Variants in CEP43 observed in about 807,000 individuals in gnomAD.
The protein encoded by CEP43 is FGFR1 oncogene partner.
In CEP43, 36 loss-of-function variants were observed where a neutral mutation model predicts 52.6. That is an observed-to-expected ratio of 0.68 (90% CI 0.52 to 0.90). CEP43 has a LOEUF of 0.90. Among genes scored for constraint, CEP43 ranks in the 40% least tolerant of loss-of-function variants. CEP43 has a pLI of 0.00. For synonymous variants in CEP43, 192 were observed against 172.4 expected (o/e 1.11, Z -0.89); for missense variants, 506 against 472.8 (o/e 1.07, Z -0.65).
At chr6:167,014,878 T>A (rs1780059848) in intron 7 of CEP43, among the ~76,000 whole-genome samples, 1 of 152,382 alleles carries the variant, frequency 6.6e-6, no homozygotes, top group East Asian at 1.9e-4. Flanking sequence ...AAGTAAGATA[T>A]AAAACTTCTT....
At chr6:167,009,090 A>G (rs1779920164) in intron 5 of CEP43, among the ~76,000 whole-genome samples, 1 of 151,028 alleles carries the variant, frequency 6.6e-6, no homozygotes, top group Admixed American at 6.6e-5. Context: ...CCCCGTCTCT[A>G]TTAAAAATAT....
intron 7 of CEP43, among the ~76,000 whole-genome samples, chr6:167,013,878 C>T (rs1780036773): frequency 6.6e-6 from 1 of 152,204 alleles, no homozygotes; most frequent in African/African-American, 2.4e-5. Context: ...GAGGCTGAGG[C>T]AGGAGAATCG....
At chr6:167,007,719 A>T (rs1393570152) in intron 5 of CEP43, among the ~76,000 whole-genome samples, 1 of 152,180 alleles carries the variant, frequency 6.6e-6, no homozygotes, top group Non-Finnish European at 1.5e-5. Context: ...TAAATTACTG[A>T]TGCTTTTTAC....
At chr6:167,029,069 G>A (rs766482933) in intron 10 of CEP43, among the ~76,000 whole-genome samples, 1 of 145,994 alleles carries the variant, frequency 6.8e-6, no homozygotes, top group Non-Finnish European at 1.5e-5. Flanking sequence ...GTCTTTGTGT[G>A]TTTTTTTGTT....
chr6:167,024,797 G>A lies in CEP43; in HGVS notation c.822G>A (p.Arg274=), dbSNP rs1780317282. ...TTCTTGTTAGGAGGAAGGAACCTAG[G>A]AAGCAAGCAGGAAGTCTGGCCTCGC... ...EKTYGLRKEP[R]KQAGSLASLS... The change falls in exon 9 of 13, where the codon AGG becomes AGA. Residue 274 remains arginine (R), a synonymous_variant. Coordinates refer to ENST00000366847, the MANE Select transcript of CEP43 (RefSeq NM_007045.4). 2.5e-6 allele frequency: 4 copies of A among 1,613,436 alleles called. No homozygotes were observed. In the South Asian group the frequency reaches 3.3e-5, roughly 13 times the overall value.
In CEP43 at chr6:167,029,181, A is replaced by G. The variant is rs556399320; in HGVS notation, c.988+2566A>G. Among the ~76,000 whole-genome samples, 11 of 152,366 alleles carry G rather than the reference A, an allele frequency of 7.2e-5. No individual in the cohort carries two copies. In the East Asian group the frequency reaches 1.9e-3, roughly 27 times the overall value. The stretch of plus-strand genomic sequence containing the variant: ...CAGAGGCAAGAATGAAAGTAAGGAA[A>G]GCAGAAGGCTGTCAGGAAGTCCGGG... On this transcript the variant is annotated intron_variant, in intron 10 of 12. Coordinates refer to ENST00000366847, the MANE Select transcript of CEP43 (RefSeq NM_007045.4).
chr6:167,048,865 T>C lies in CEP43; in HGVS notation c.*8887T>C, dbSNP rs927934051. ...AAGTGTGAAATAGCCTCTAAACTCA[T>C]ATGTGGAAAAAGAACTTGAAAAAGG... On this transcript the variant is annotated 3_prime_UTR_variant, in exon 13 of 13. Coordinates refer to ENST00000366847, the MANE Select transcript of CEP43 (RefSeq NM_007045.4). 5 of 152,178 alleles carry C rather than the reference T, an allele frequency of 3.3e-5. No homozygotes were observed. The highest frequency in any genetic ancestry group is 9.7e-5 in the African/African-American group (4 of 41,450). The allele number at this position is 152,178 out of a possible 1,614,324, so 9.4% of individuals were successfully genotyped here. A position where few individuals can be genotyped will look rare whatever the true frequency, so the allele number is the denominator to read the frequency against.
intron 12 of CEP43, among the ~76,000 whole-genome samples, chr6:167,038,843 T>A (rs1431237972): frequency 6.6e-6 from 1 of 152,104 alleles, no homozygotes; most frequent in Non-Finnish European, 1.5e-5. Context: ...ACAGGTGGTG[T>A]TTGGTTGCAT....
At chr6:167,027,051 TGA>T (rs1278155001) in intron 10 of CEP43, among the ~76,000 whole-genome samples, 1 of 152,210 alleles carries the variant, frequency 6.6e-6, no homozygotes, top group Non-Finnish European at 1.5e-5. Flanking sequence ...CAGTTCAGAC[TGA>T]GAAAAATTTG....
intron 8 of CEP43, 90 bp from the exon 9 acceptor site, chr6:167,024,692 T>C (rs1780314804): frequency 3.5e-6 from 3 of 863,156 alleles, no homozygotes; most frequent in Non-Finnish European, 5.7e-6. Flanking sequence ...GTATAAAATA[T>C]CTTTAAGTTG....
intron 12 of CEP43, 35 bp from the exon 13 acceptor site, chr6:167,039,869 A>T: frequency 5.0e-6 from 8 of 1,609,758 alleles, no homozygotes; most frequent in Non-Finnish European, 5.9e-6. Flanking sequence ...TCACATTCTG[A>T]CACTTAATTA....
At chr6:167,035,540 C>G (rs549373846) in intron 12 of CEP43, among the ~76,000 whole-genome samples, 10 of 151,254 alleles carry the variant, frequency 6.6e-5, no homozygotes, top group Non-Finnish European at 1.5e-4. Context: ...TTACCACTCA[C>G]AAATTTGGCC....
At position 167,051,100 on chromosome 6, in the gene CEP43, C is replaced by G. The variant is rs1780865099; in HGVS notation, c.*11122C>G. ...GTGGGGGCCAGAGGACCAGTTGAGC[C>G]AAGAATTCAAGAGGTACAGGTTCAA... On this transcript the variant is annotated 3_prime_UTR_variant, in exon 13 of 13. Transcript: ENST00000366847. The G allele has an allele frequency of 6.6e-6, 1 of 151,880 alleles. No homozygotes were observed. The highest frequency in any genetic ancestry group is 1.5e-5 in the Non-Finnish European group (1 of 67,986). The allele number at this position is 151,880 out of a possible 1,614,324, so 9.4% of individuals were successfully genotyped here.
intron 7 of CEP43, among the ~76,000 whole-genome samples, 179 bp from the exon 8 acceptor site, chr6:167,022,230 C>G (rs978389471): frequency 1.3e-5 from 2 of 150,976 alleles, no homozygotes; most frequent in Non-Finnish European, 2.9e-5. Context: ...TGGCATTGCT[C>G]TGCAGTTCAC....
Position 167,048,798 on chromosome 6 carries a change from A to G in CEP43, c.*8820A>G, listed in dbSNP as rs1780834697. 6.6e-6 allele frequency: 1 copy of G among 152,270 alleles called. No homozygotes were observed. Among genetic ancestry groups the G allele is most frequent in the Non-Finnish European group, 1.5e-5 (1 of 68,040 alleles). 9.4% of individuals were successfully genotyped at this position (152,270 alleles called of 1,614,324 possible). A position where few individuals can be genotyped will look rare whatever the true frequency, so the allele number is the denominator to read the frequency against. ...AATGAAAAATTGGTTAATGAATGTC[A>G]TTGAAAGAGCATGTACATCACTAAA... On this transcript the variant is annotated 3_prime_UTR_variant, in exon 13 of 13. Coordinates refer to ENST00000366847, the MANE Select transcript of CEP43 (RefSeq NM_007045.4).
intron 4 of CEP43, 76 bp from the exon 5 acceptor site, chr6:167,004,188 T>G: frequency 6.9e-7 from 1 of 1,445,018 alleles, no homozygotes; most frequent in Non-Finnish European, 9.3e-7. Flanking sequence ...CTTTAAACTC[T>G]GAAAATATCT....
intron 12 of CEP43, among the ~76,000 whole-genome samples, chr6:167,039,279 G>A (rs924862943): frequency 5.3e-5 from 8 of 152,016 alleles, no homozygotes; most frequent in African/African-American, 1.7e-4. Flanking sequence ...ACAGGCACCC[G>A]CTATATTGTC....
intron 12 of CEP43, among the ~76,000 whole-genome samples, chr6:167,034,268 A>C (rs1780535599): frequency 6.6e-6 from 1 of 152,104 alleles, no homozygotes. Context: ...CTTAGTGAGA[A>C]TTGACCACCT....
At chr6:167,020,934 A>T (rs1780215800) in intron 7 of CEP43, among the ~76,000 whole-genome samples, 2 of 140,982 alleles carry the variant, frequency 1.4e-5, no homozygotes, top group Admixed American at 7.2e-5. Flanking sequence ...AAAAAAAAAG[A>T]TTATACGACT....
Sources: allele counts gnomAD v4.1 joint callset (sites outside exome capture counted in the v4.1 genomes callset), GRCh38; gene constraint gnomAD v4.1.1; transcripts MANE v1.5; gene names NCBI Gene and HGNC (gene_info 2026-07-23, HGNC 2026-07-21).